AGBL4: variants seen among roughly 807,000 people sequenced by gnomAD.
AGBL4 encodes AGBL carboxypeptidase 4.
A neutral mutation model predicts 66.4 loss-of-function variants in AGBL4; 58 were observed. That is an observed-to-expected ratio of 0.87 (90% CI 0.71 to 1.09). The LOEUF (loss-of-function observed/expected upper bound fraction) is 1.09, where lower values mean the gene tolerates loss of function less well. AGBL4 is among the 50% of genes least tolerant of loss of function. The probability of loss-of-function intolerance (pLI) is 0.00; values close to 1 mark genes in which losing one functional copy is unlikely to be tolerated. For missense variants in AGBL4, 579 were observed against 631.0 expected, an observed-to-expected ratio of 0.92 and a Z score of 0.88; for synonymous variants, 234 against 222.9, an observed-to-expected ratio of 1.05 and a Z score of -0.44.
chr1:48,786,510 C>T (rs1275102406), intron 6 of AGBL4, among the ~76,000 whole-genome samples: 1 of 152,182 alleles, frequency 6.6e-6, no homozygotes, highest in African/African-American at 2.4e-5. Flanking sequence ...TTCCTAGAGG[C>T]TGAATCCCTA....
At chr1:48,872,769 G>T (rs1202646761) in intron 5 of AGBL4, among the ~76,000 whole-genome samples, 1 of 152,076 alleles carries the variant, frequency 6.6e-6, no homozygotes, top group Non-Finnish European at 1.5e-5. Flanking sequence ...TCTGAGCTCT[G>T]TTATCCTAGG....
At chr1:49,435,994 A>C (rs1190319018) in intron 3 of AGBL4, among the ~76,000 whole-genome samples, 2 of 152,188 alleles carry the variant, frequency 1.3e-5, no homozygotes, top group Non-Finnish European at 2.9e-5. Flanking sequence ...TGGATCTATA[A>C]AACATGCTAA....
intron 9 of AGBL4, among the ~76,000 whole-genome samples, chr1:48,594,919 G>A (rs1644972973): frequency 6.6e-6 from 1 of 151,984 alleles, no homozygotes; most frequent in African/African-American, 2.4e-5. Context: ...GTAAAAAAAT[G>A]ATGATATCCT....
chr1:49,672,615 T>C (rs923184428), intron 3 of AGBL4, among the ~76,000 whole-genome samples: 1 of 151,192 alleles, frequency 6.6e-6, no homozygotes, highest in Non-Finnish European at 1.5e-5. Context: ...GAAACCAAAA[T>C]GTGGCTCTTT....
intron 3 of AGBL4, among the ~76,000 whole-genome samples, chr1:49,538,491 TCCG>T (rs1405872751): frequency 4.6e-5 from 7 of 152,218 alleles, no homozygotes; most frequent in Non-Finnish European, 1.0e-4. Flanking sequence ...ATGCAATATA[TCCG>T]TGTAACAAAA....
chr1:48,563,343 C>T (rs537985084), intron 11 of AGBL4, among the ~76,000 whole-genome samples: 3 of 152,300 alleles, frequency 2.0e-5, no homozygotes, highest in South Asian at 4.1e-4. Context: ...GAGTTACTCA[C>T]TTAGGCAATT....
At chr1:49,768,472 A>G (rs561793547) in intron 2 of AGBL4, among the ~76,000 whole-genome samples, 4 of 152,324 alleles carry the variant, frequency 2.6e-5, no homozygotes, top group African/African-American at 7.2e-5. Context: ...ATAGAAACCC[A>G]TATCTTTTTA....
intron 3 of AGBL4, among the ~76,000 whole-genome samples, chr1:49,295,054 A>G (rs943402899): frequency 3.3e-5 from 5 of 152,228 alleles, no homozygotes; most frequent in African/African-American, 1.2e-4. Flanking sequence ...GAATAAATAA[A>G]TTAATTGAAT....
chr1:49,903,681 G>A (rs1055397753), intron 1 of AGBL4, among the ~76,000 whole-genome samples: 22 of 152,036 alleles, frequency 1.4e-4, no homozygotes, highest in Admixed American at 3.9e-4. Flanking sequence ...GCAAATAACT[G>A]TCCATATTTG....
At chr1:49,043,491 T>A (rs1425853313) in intron 5 of AGBL4, among the ~76,000 whole-genome samples, 1 of 152,208 alleles carries the variant, frequency 6.6e-6, no homozygotes, top group Non-Finnish European at 1.5e-5. Context: ...TCCTTCCCTT[T>A]ATTCCCTTTG....
chr1:49,108,375 G>A (rs1269087531), intron 4 of AGBL4, among the ~76,000 whole-genome samples: 1 of 152,004 alleles, frequency 6.6e-6, no homozygotes, highest in Non-Finnish European at 1.5e-5. Flanking sequence ...AGGAAGTTTT[G>A]GTACAGTTTA....
At chr1:48,988,890 GA>G (rs767838341) in intron 5 of AGBL4, among the ~76,000 whole-genome samples, 1 of 152,174 alleles carries the variant, frequency 6.6e-6, no homozygotes, top group Non-Finnish European at 1.5e-5. Flanking sequence ...AATTTAGCTT[GA>G]GAGCAGTGAT....
chr1:49,475,400 G>C (rs1410609933), intron 3 of AGBL4, among the ~76,000 whole-genome samples: 1 of 151,318 alleles, frequency 6.6e-6, no homozygotes, highest in Non-Finnish European at 1.5e-5. Context: ...AGTTTTTTTT[G>C]TTTTGTCTTT....
chr1:48,817,332 G>A (rs561907858), intron 6 of AGBL4, among the ~76,000 whole-genome samples: 14 of 152,142 alleles, frequency 9.2e-5, no homozygotes, highest in Non-Finnish European at 1.9e-4. Context: ...TACAAAGAAC[G>A]TAACATAATC....
intron 6 of AGBL4, chr1:48,728,130 C>T (rs995438187): frequency 2.1e-5 from 25 of 1,207,038 alleles, no homozygotes; most frequent in Middle Eastern, 2.9e-4. Context: ...ATGTACCTCC[C>T]AACATACTTC....
intron 2 of AGBL4, among the ~76,000 whole-genome samples, chr1:49,833,635 T>A (rs1327883370): frequency 6.6e-6 from 1 of 152,188 alleles, no homozygotes; most frequent in African/African-American, 2.4e-5. Context: ...GCATGGAATG[T>A]TCTTCCATTT....
intron 1 of AGBL4, among the ~76,000 whole-genome samples, chr1:49,991,815 C>T (rs1247642049): frequency 6.6e-6 from 1 of 151,960 alleles, no homozygotes; most frequent in Non-Finnish European, 1.5e-5. Context: ...CATATACAAC[C>T]AACATTAAAG....
At chr1:48,557,520 C>G (rs1246012205) in intron 11 of AGBL4, among the ~76,000 whole-genome samples, 1 of 152,006 alleles carries the variant, frequency 6.6e-6, no homozygotes, top group African/African-American at 2.4e-5. Flanking sequence ...GAGAAGGAGG[C>G]CCTGAATACC....
In AGBL4 at chr1:49,045,779, A is replaced by AT; in HGVS notation, c.398dup (p.Asn133LysfsTer11). 6.4e-7 allele frequency: 1 copy of AT among 1,551,306 alleles called. No homozygotes were observed. The highest frequency in any genetic ancestry group is 8.7e-7 in the Non-Finnish European group (1 of 1,146,638). ...GGTCCGGGCAGCGGTAGTAGTAAAC[A>AT]TTTTTGGGTGGCAGCCTTTGCCTAA... On this transcript the variant is annotated frameshift_variant, in exon 5 of 14. Transcript: ENST00000371839. LOFTEE classifies it high-confidence loss of function.
Sources: allele counts gnomAD v4.1 joint callset (sites outside exome capture counted in the v4.1 genomes callset), GRCh38; gene constraint gnomAD v4.1.1; transcripts MANE v1.5; gene names NCBI Gene and HGNC (gene_info 2026-07-23, HGNC 2026-07-21).